The following ELOVL6 variants were observed in gnomAD, a reference collection of about 807,000 sequenced individuals.
ELOVL6 encodes ELOVL fatty acid elongase 6.
In ELOVL6, 8 loss-of-function variants were observed where a neutral mutation model predicts 31.7. The ratio of observed to expected loss-of-function variants is 0.25; its 90% CI spans 0.15 to 0.45. The LOEUF (loss-of-function observed/expected upper bound fraction) is 0.45. ELOVL6 is among the 20% of genes least tolerant of loss of function. The probability of loss-of-function intolerance (pLI) is 1.00; values close to 1 mark genes in which losing one functional copy is unlikely to be tolerated. For missense variants in ELOVL6, 126 were observed against 326.4 expected (o/e 0.39, Z 4.73); for synonymous variants, 101 against 117.7 (o/e 0.86, Z 0.92).
chr4:110,152,535 G>A (rs1218964197), intron 1 of ELOVL6, among the ~76,000 whole-genome samples: 1 of 152,220 alleles, frequency 6.6e-6, no homozygotes, highest in Non-Finnish European at 1.5e-5. Context: ...CGGCCTTTCT[G>A]CCAGGCAGTG....
rs933243970 is a variant in ELOVL6, at chr4:110,130,432, G to A, written c.90-24804C>T. Among the ~76,000 whole-genome samples, 3 of 152,094 alleles carry A rather than the reference G, an allele frequency of 2.0e-5. 1 individual carries two copies. The highest frequency in any genetic ancestry group is 2.0e-4 in the Admixed American group (3 of 15,250). ...TCTGTCAGTACCATAAGACAGCGGG[G>A]AAACAAAAACAAAAAGCTGTCCTAT... On this transcript the variant is annotated intron_variant, in intron 1 of 3. Transcript: ENST00000302274.
At chr4:110,054,600 A>C (rs777642621) in intron 3 of ELOVL6, among the ~76,000 whole-genome samples, 3 of 152,214 alleles carry the variant, frequency 2.0e-5, no homozygotes, top group African/African-American at 7.2e-5. Context: ...AAATTTGTCA[A>C]AGTAATATGC....
chr4:110,056,280 G>A (rs1560799527), intron 3 of ELOVL6, among the ~76,000 whole-genome samples: 1 of 151,958 alleles, frequency 6.6e-6, no homozygotes, highest in Non-Finnish European at 1.5e-5. Context: ...AATCCAAACG[G>A]GTAAATCTCT....
intron 1 of ELOVL6, among the ~76,000 whole-genome samples, chr4:110,116,939 A>C (rs565757078): frequency 6.6e-6 from 1 of 151,968 alleles, no homozygotes; most frequent in South Asian, 2.1e-4. Context: ...TTCTTCTCCA[A>C]CTTCACCATC....
At chr4:110,136,968 T>C (rs1757830507) in intron 1 of ELOVL6, among the ~76,000 whole-genome samples, 1 of 152,194 alleles carries the variant, frequency 6.6e-6, no homozygotes, top group Non-Finnish European at 1.5e-5. Context: ...AATTACTCTC[T>C]TTCTTCCTTG....
At chr4:110,161,413 G>A (rs747557970) in intron 1 of ELOVL6, among the ~76,000 whole-genome samples, 9 of 152,082 alleles carry the variant, frequency 5.9e-5, no homozygotes, top group Non-Finnish European at 1.2e-4. Flanking sequence ...TATACTGATG[G>A]CACTTTCATG....
chr4:110,092,275 C>T (rs548727798), intron 2 of ELOVL6, among the ~76,000 whole-genome samples: 26 of 152,192 alleles, frequency 1.7e-4, no homozygotes, highest in Non-Finnish European at 3.1e-4. Flanking sequence ...CTATTTAGAG[C>T]TTTGATTAAA....
chr4:110,070,842 T>A (rs1014052753), intron 2 of ELOVL6, among the ~76,000 whole-genome samples: 2 of 152,200 alleles, frequency 1.3e-5, no homozygotes, highest in African/African-American at 4.8e-5. Flanking sequence ...CCATGCTTCC[T>A]GTACAGCCTG....
intron 3 of ELOVL6, among the ~76,000 whole-genome samples, chr4:110,056,126 G>A (rs532942200): frequency 6.9e-6 from 1 of 145,234 alleles, no homozygotes; most frequent in South Asian, 2.2e-4. Context: ...GGGAGCTGGG[G>A]GGGGGGATAC....
intron 1 of ELOVL6, among the ~76,000 whole-genome samples, chr4:110,160,133 A>C (rs1758590562): frequency 6.6e-6 from 1 of 150,680 alleles, no homozygotes; most frequent in Non-Finnish European, 1.5e-5. Flanking sequence ...CACACACACA[A>C]ACACTATTGG....
chr4:110,162,938 A>T (rs899779071), intron 1 of ELOVL6, among the ~76,000 whole-genome samples: 3 of 152,202 alleles, frequency 2.0e-5, no homozygotes, highest in Non-Finnish European at 4.4e-5. Flanking sequence ...GGTCACCCAG[A>T]TAGTCAGTGG....
At chr4:110,127,091 G>A (rs530202242) in intron 1 of ELOVL6, among the ~76,000 whole-genome samples, 7 of 152,102 alleles carry the variant, frequency 4.6e-5, no homozygotes, top group Admixed American at 1.3e-4. Context: ...TATATGTACC[G>A]TTGTTGCCAC....
At chr4:110,193,970 C>T (rs1759700890) in intron 1 of ELOVL6, among the ~76,000 whole-genome samples, 1 of 152,154 alleles carries the variant, frequency 6.6e-6, no homozygotes, top group Non-Finnish European at 1.5e-5. Context: ...TGGTGGGCAC[C>T]GTGTCAGCCG....
intron 2 of ELOVL6, among the ~76,000 whole-genome samples, chr4:110,071,618 C>T (rs1000531128): frequency 3.3e-5 from 5 of 152,110 alleles, no homozygotes; most frequent in African/African-American, 1.2e-4. Flanking sequence ...ATGGCTGGCT[C>T]CCCCTCTCCC....
chr4:110,160,530 T>G (rs955816002), intron 1 of ELOVL6, among the ~76,000 whole-genome samples: 5 of 152,210 alleles, frequency 3.3e-5, no homozygotes, highest in Non-Finnish European at 7.3e-5. Context: ...AGTAAATAAT[T>G]TGCATAGGCG....
At chr4:110,091,790 T>C (rs950336325) in intron 2 of ELOVL6, among the ~76,000 whole-genome samples, 1 of 152,148 alleles carries the variant, frequency 6.6e-6, no homozygotes, top group African/African-American at 2.4e-5. Flanking sequence ...GTACCATTAG[T>C]AGTCAAATGA....
intron 1 of ELOVL6, among the ~76,000 whole-genome samples, chr4:110,180,131 A>G (rs1759228279): frequency 1.3e-5 from 2 of 152,154 alleles, no homozygotes; most frequent in Admixed American, 6.5e-5. Flanking sequence ...TTCTTTTAGT[A>G]TATGCCACAT....
At chr4:110,148,029 C>T (rs754823423) in intron 1 of ELOVL6, among the ~76,000 whole-genome samples, 4 of 150,392 alleles carry the variant, frequency 2.7e-5, no homozygotes, top group Non-Finnish European at 5.9e-5. Flanking sequence ...CAGGAGAATC[C>T]GCCCAGGAGG....
At chr4:110,180,609 C>A (rs1016034317) in intron 1 of ELOVL6, among the ~76,000 whole-genome samples, 1 of 152,106 alleles carries the variant, frequency 6.6e-6, no homozygotes, top group African/African-American at 2.4e-5. Context: ...CACCATGTTG[C>A]CCAGGTTGGT....
Sources: gnomAD v4.1 joint callset for allele counts (sites outside exome capture counted in the v4.1 genomes callset) on GRCh38, gnomAD v4.1.1 for gene constraint, MANE v1.5 for transcripts, NCBI Gene and HGNC (gene_info 2026-07-23, HGNC 2026-07-21) for gene names.